The following TEAD1 variants were observed in gnomAD, a reference collection of about 807,000 sequenced individuals.
TEAD1 encodes the protein transcriptional enhancer factor TEF-1.
A neutral mutation model predicts 54.9 loss-of-function variants in TEAD1; 9 were observed. The ratio of observed to expected loss-of-function variants is 0.16; its 90% CI spans 0.10 to 0.29. TEAD1 has a LOEUF of 0.29. Among genes scored for constraint, TEAD1 ranks in the 10% least tolerant of loss-of-function variants. TEAD1 has a pLI of 1.00. For missense variants in TEAD1, 387 were observed against 535.9 expected (o/e 0.72, Z 2.74); for synonymous variants, 200 against 187.8 (o/e 1.07, Z -0.53).
At chr11:12,839,927 G>A (rs546219788) in intron 3 of TEAD1, among the ~76,000 whole-genome samples, 1 of 152,172 alleles carries the variant, frequency 6.6e-6, no homozygotes, top group South Asian at 2.1e-4. Flanking sequence ...TGGAAAGTAA[G>A]GAAAACAGTT....
chr11:12,894,854 G>A (rs923067123), intron 9 of TEAD1, among the ~76,000 whole-genome samples: 1 of 152,194 alleles, frequency 6.6e-6, no homozygotes, highest in African/African-American at 2.4e-5. Context: ...TACGTGCTAT[G>A]TACAGTGTTA....
chr11:12,773,942 G>A (rs1423135451), intron 3 of TEAD1, among the ~76,000 whole-genome samples: 4 of 152,164 alleles, frequency 2.6e-5, no homozygotes, highest in African/African-American at 9.7e-5. Flanking sequence ...GTAGGTCTGT[G>A]ATGCATATTA....
intron 2 of TEAD1, among the ~76,000 whole-genome samples, chr11:12,710,052 C>A: frequency 6.6e-6 from 1 of 151,578 alleles, no homozygotes; most frequent in East Asian, 1.9e-4. Context: ...GTAGGCCAGG[C>A]ACTATGGCTC....
rs571116056 is a variant in TEAD1, at chr11:12,866,653, A to G, written c.330+1753A>G. ...CTCTCTTTTGGGGCAGGCACAAGGA[A>G]GAGACAGAAACAGAAGCAGTAGGAT... On this transcript the variant is annotated intron_variant, in intron 5 of 12. Coordinates refer to ENST00000527636, the MANE Select transcript of TEAD1 (RefSeq NM_021961.6). Among the ~76,000 whole-genome samples, 135 of 152,332 alleles carry G rather than the reference A, an allele frequency of 8.9e-4. 2 individuals carry two copies. Among genetic ancestry groups the G allele is most frequent in the Admixed American group, 6.5e-4 (10 of 15,300 alleles).
At chr11:12,845,641 T>G (rs1009113803) in intron 3 of TEAD1, among the ~76,000 whole-genome samples, 15 of 152,006 alleles carry the variant, frequency 9.9e-5, no homozygotes, top group African/African-American at 3.4e-4. Flanking sequence ...TGGCTAAGGG[T>G]TTATTAAGTG....
chr11:12,693,431 A>G (rs1235984059), intron 2 of TEAD1, among the ~76,000 whole-genome samples: 1 of 152,230 alleles, frequency 6.6e-6, no homozygotes, highest in African/African-American at 2.4e-5. Flanking sequence ...GCTTCTGTAC[A>G]TCCTGGATAT....
intron 3 of TEAD1, among the ~76,000 whole-genome samples, chr11:12,847,765 T>G (rs761330723): frequency 6.6e-6 from 1 of 152,172 alleles, no homozygotes; most frequent in Non-Finnish European, 1.5e-5. Flanking sequence ...CAAGCAGTCC[T>G]CCTGTCTTGG....
intron 12 of TEAD1, among the ~76,000 whole-genome samples, chr11:12,936,887 C>T (rs1424304233): frequency 1.3e-5 from 2 of 152,096 alleles, no homozygotes; most frequent in African/African-American, 4.8e-5. Context: ...TTATGAGTGA[C>T]CCTATCTAGA....
At chr11:12,708,066 A>G (rs1178485578) in intron 2 of TEAD1, among the ~76,000 whole-genome samples, 1 of 151,202 alleles carries the variant, frequency 6.6e-6, no homozygotes, top group African/African-American at 2.4e-5. Context: ...GGCAGTTCCC[A>G]AAGTCCCTTA....
intron 2 of TEAD1, among the ~76,000 whole-genome samples, chr11:12,687,828 T>C (rs1943364875): frequency 6.6e-6 from 1 of 152,134 alleles, no homozygotes; most frequent in African/African-American, 2.4e-5. Context: ...TGGGGACCAG[T>C]ACCCCTCACC....
chr11:12,895,803 T>A (rs530064948), intron 9 of TEAD1, among the ~76,000 whole-genome samples: 41 of 152,352 alleles, frequency 2.7e-4, no homozygotes, highest in African/African-American at 9.1e-4. Context: ...TTCTTTGTAT[T>A]AATATATTTA....
At chr11:12,691,150 A>G (rs772218650) in intron 2 of TEAD1, among the ~76,000 whole-genome samples, 79 of 152,260 alleles carry the variant, frequency 5.2e-4, no homozygotes, top group Non-Finnish European at 1.0e-3. Flanking sequence ...TTTGCATATC[A>G]TTAGGCAATC....
chr11:12,743,042 C>T (rs936807283), intron 2 of TEAD1, among the ~76,000 whole-genome samples: 3 of 152,218 alleles, frequency 2.0e-5, no homozygotes, highest in Non-Finnish European at 2.9e-5. Context: ...TCTTGGTTTT[C>T]AGAGTCTGAT....
At chr11:12,793,074 A>AG (rs1417676671) in intron 3 of TEAD1, among the ~76,000 whole-genome samples, 1 of 152,106 alleles carries the variant, frequency 6.6e-6, no homozygotes, top group Non-Finnish European at 1.5e-5. Context: ...AAAAAACAAA[A>AG]CAAAACAAAA....
chr11:12,812,864 A>C (rs1335594301), intron 3 of TEAD1, among the ~76,000 whole-genome samples: 2 of 152,198 alleles, frequency 1.3e-5, no homozygotes, highest in Non-Finnish European at 2.9e-5. Context: ...TGAGATTTCT[A>C]ATACAGCAAG....
intron 2 of TEAD1, among the ~76,000 whole-genome samples, chr11:12,735,644 C>T (rs774846365): frequency 7.9e-5 from 12 of 150,974 alleles, no homozygotes; most frequent in South Asian, 2.1e-4. Context: ...CCAAGGCAGA[C>T]GTATGCTTGA....
rs1417770007 is a variant in TEAD1 at position 12,885,285 on chromosome 11, G to T, written c.699+2160G>T. On this transcript the variant is annotated intron_variant, in intron 9 of 12. Transcript: ENST00000527636. Reference sequence around the variant, plus strand: ...GCGTCTCGCTCTGTTGCCCAGGCTGGAGTGCAGTGGTGTGATCTCCACTCA... The same window carrying T: ...GCGTCTCGCTCTGTTGCCCAGGCTGTAGTGCAGTGGTGTGATCTCCACTCA... 3.4e-5 allele frequency among the ~76,000 whole-genome samples: 5 copies of T among 148,202 alleles called. No homozygotes were observed. The Admixed American group carries it at 3.4e-4, about 10-fold the overall frequency.
At chr11:12,754,909 C>T (rs988819988) in intron 2 of TEAD1, among the ~76,000 whole-genome samples, 1 of 152,216 alleles carries the variant, frequency 6.6e-6, no homozygotes, top group African/African-American at 2.4e-5. Context: ...ATGAGAGAAG[C>T]ATCCAAAGTC....
chr11:12,697,490 G>T (rs1943610247), intron 2 of TEAD1, among the ~76,000 whole-genome samples: 1 of 152,106 alleles, frequency 6.6e-6, no homozygotes, highest in Non-Finnish European at 1.5e-5. Flanking sequence ...TATTTTAGAG[G>T]ATAGATTTTT....
Sources: allele counts gnomAD v4.1 joint callset (sites outside exome capture counted in the v4.1 genomes callset), GRCh38; gene constraint gnomAD v4.1.1; transcripts MANE v1.5; gene names NCBI Gene and HGNC (gene_info 2026-07-23, HGNC 2026-07-21).